The following SLCO1B3 variants were observed in gnomAD, a reference collection of about 807,000 sequenced individuals.
SLCO1B3 encodes liver-specific organic anion transporter 2.
Under a neutral mutation model 71.8 loss-of-function variants are expected in SLCO1B3, and 72 were observed. The ratio of observed to expected loss-of-function variants is 1.00; its 90% CI spans 0.83 to 1.22. The LOEUF is 1.22. Among genes scored for constraint, SLCO1B3 ranks in the 50% most tolerant of loss-of-function variants. SLCO1B3 has a pLI of 0.00. For missense variants in SLCO1B3, 911 were observed against 819.7 expected (o/e 1.11, Z -1.36); for synonymous variants, 298 against 278.4 (o/e 1.07, Z -0.70).
At chr12:20,909,165 C>CTTTTTTTTTT (rs1006708034) in intron 15 of SLCO1B3, among the ~76,000 whole-genome samples, 1 of 123,864 alleles carries the variant, frequency 8.1e-6, no homozygotes, top group Non-Finnish European at 1.7e-5. Context: ...GCATCTTTTT[C>CTTTTTTTTTT]TTTTTTTTTT....
chr12:20,903,424 G>A (rs1040783377), intron 15 of SLCO1B3, among the ~76,000 whole-genome samples: 8 of 152,152 alleles, frequency 5.3e-5, no homozygotes, highest in Non-Finnish European at 7.3e-5. Context: ...GCTATGAAGA[G>A]CTACCTGAGA....
chr12:20,829,192 G>T (rs571802003), intron 3 of SLCO1B3, among the ~76,000 whole-genome samples: 1 of 152,198 alleles, frequency 6.6e-6, no homozygotes, highest in Non-Finnish European at 1.5e-5. Context: ...TTATAGGATC[G>T]CTGAGTGATC....
At chr12:20,899,260 A>G (rs994755068) in intron 14 of SLCO1B3, among the ~76,000 whole-genome samples, 1 of 152,186 alleles carries the variant, frequency 6.6e-6, no homozygotes, top group African/African-American at 2.4e-5. Context: ...TGTCTAGTCT[A>G]ACCTCTGTGA....
chr12:20,907,928 G>A (rs577929485), intron 15 of SLCO1B3, among the ~76,000 whole-genome samples: 3 of 151,860 alleles, frequency 2.0e-5, no homozygotes, highest in African/African-American at 7.2e-5. Flanking sequence ...AGGACAACTG[G>A]CAAGATGCTC....
chr12:20,881,848 C>T (rs929343005), intron 12 of SLCO1B3, among the ~76,000 whole-genome samples: 2 of 152,188 alleles, frequency 1.3e-5, no homozygotes, highest in African/African-American at 4.8e-5. Flanking sequence ...ATATAGTCAG[C>T]TGCGATTATG....
intron 11 of SLCO1B3, among the ~76,000 whole-genome samples, chr12:20,880,243 T>C (rs983973201): frequency 2.6e-5 from 4 of 151,362 alleles, no homozygotes; most frequent in Admixed American, 1.3e-4. Flanking sequence ...TAAACAGTAT[T>C]ATAGTTTTAT....
chr12:20,889,587 T>C (rs778515273), intron 13 of SLCO1B3, among the ~76,000 whole-genome samples: 1 of 152,126 alleles, frequency 6.6e-6, no homozygotes, highest in Non-Finnish European at 1.5e-5. Flanking sequence ...TTGAATCTTC[T>C]TTCTTTTTGG....
intron 15 of SLCO1B3, among the ~76,000 whole-genome samples, chr12:20,910,767 G>C (rs1461636198): frequency 6.6e-6 from 1 of 152,006 alleles, no homozygotes; most frequent in Non-Finnish European, 1.5e-5. Context: ...GTTCATTGCT[G>C]ATTTATAGGA....
At chr12:20,839,199 A>T (rs1864743170) in intron 3 of SLCO1B3, among the ~76,000 whole-genome samples, 1 of 151,624 alleles carries the variant, frequency 6.6e-6, no homozygotes, top group African/African-American at 2.4e-5. Flanking sequence ...GTTATTTCTT[A>T]GATCAATTAA....
At position 20,845,941 on chromosome 12, in the gene SLCO1B3, A is replaced by AT. The variant is rs1230591834; in HGVS notation, c.85-9084dup. 5.4e-5 allele frequency among the ~76,000 whole-genome samples: 8 copies of AT among 148,746 alleles called. No individual in the cohort carries two copies. The Admixed American group carries it at 5.4e-4, about 10-fold the overall frequency. ...AATTTAATCTCTTTTTGTTGGATTG[A>AT]TTTCTTCTATCATTATATAATCATC... On this transcript the variant is annotated intron_variant, in intron 3 of 15. Coordinates refer to ENST00000381545, the MANE Select transcript of SLCO1B3 (RefSeq NM_019844.4).
chr12:20,841,703 C>A (rs550852375), intron 3 of SLCO1B3, among the ~76,000 whole-genome samples: 82 of 152,140 alleles, frequency 5.4e-4, no homozygotes, highest in African/African-American at 1.8e-3. Flanking sequence ...CCAACAGGTA[C>A]TTTTTTAGAT....
chr12:20,897,482 T>C (rs1865158), intron 13 of SLCO1B3, among the ~76,000 whole-genome samples: 107,122 of 151,964 alleles, frequency 0.7, 39,982 homozygotes, highest in South Asian at 0.89. Flanking sequence ...AAACTGAGGC[T>C]AAGAGAGATT....
intron 3 of SLCO1B3, among the ~76,000 whole-genome samples, chr12:20,840,005 T>G (rs1444522570): frequency 6.6e-6 from 1 of 152,198 alleles, no homozygotes; most frequent in African/African-American, 2.4e-5. Context: ...CATTTGTTTT[T>G]GGTTCTTTCT....
Position 20,841,221 on chromosome 12 carries a change from C to T in SLCO1B3, c.85-13807C>T, listed in dbSNP as rs147885935. Among the ~76,000 whole-genome samples the T allele has an allele frequency of 8.6e-4, 131 of 152,234 alleles. 2 individuals carry two copies. In the East Asian group the frequency reaches 0.022, roughly 25 times the overall value. ...ACAGTGGTTTGCCACATGTCCTCATCTCTTTTATGGATCCAAGAATCATTG... is the reference window on the plus strand; with the variant it reads ...ACAGTGGTTTGCCACATGTCCTCATTTCTTTTATGGATCCAAGAATCATTG... On this transcript the variant is annotated intron_variant, in intron 3 of 15. Transcript: ENST00000381545.
In SLCO1B3 at chr12:20,875,418, A is replaced by T. The variant is rs780708027; in HGVS notation, c.911A>T (p.Asp304Val). ...LSLHVLKTND[D>V]RNQTANLTNQ... The stretch of plus-strand genomic sequence containing the variant: ...TTGCATGTGCTGAAAACAAATGATG[A>T]TAGAAATCAAACAGCTAATTTGACC... The change falls in exon 9 of 16, where the codon GAT becomes GTT. Residue 304 changes from aspartate (D) to valine (V), a missense_variant. Physicochemically the swap from Asp to Val is radical, Grantham distance 152. Transcript: ENST00000381545. 54 of 1,607,910 alleles carry T rather than the reference A, an allele frequency of 3.4e-5. No homozygotes were observed. Among genetic ancestry groups the T allele is most frequent in the Non-Finnish European group, 4.4e-5 (52 of 1,178,394 alleles).
intron 8 of SLCO1B3, among the ~76,000 whole-genome samples, chr12:20,873,991 T>G (rs2121288958): frequency 6.6e-6 from 1 of 152,332 alleles, no homozygotes; most frequent in South Asian, 2.1e-4. Context: ...CACATTTGCC[T>G]TATACAGTCT....
At chr12:20,828,586 AC>A (rs924099316) in intron 3 of SLCO1B3, among the ~76,000 whole-genome samples, 3 of 152,006 alleles carry the variant, frequency 2.0e-5, no homozygotes, top group African/African-American at 7.2e-5. Context: ...AGAAAAAAGA[AC>A]TTTTTCTCAA....
In SLCO1B3 at chr12:20,912,821, C is replaced by CT. The variant is rs60164490; in HGVS notation, c.1866-3167dup. Among the ~76,000 whole-genome samples, 924 of 124,770 alleles carry CT rather than the reference C, an allele frequency of 7.4e-3. 11 individuals carry two copies. The highest frequency in any genetic ancestry group is 0.011 in the Non-Finnish European group (629 of 59,106). The allele number at this position is 124,770 out of a possible 152,430, so 81.9% of individuals were successfully genotyped here. The stretch of plus-strand genomic sequence containing the variant: ...ACAGGTGTGAGCCACTGCGCCCAGC[C>CT]TTTTTTTTTTTTTTTTGTATTTTTG... On this transcript the variant is annotated intron_variant, in intron 15 of 15. Coordinates refer to ENST00000381545, the MANE Select transcript of SLCO1B3 (RefSeq NM_019844.4).
At chr12:20,820,096 T>A (rs1472307783) in intron 3 of SLCO1B3, among the ~76,000 whole-genome samples, 7 of 151,898 alleles carry the variant, frequency 4.6e-5, no homozygotes, top group Non-Finnish European at 1.0e-4. Flanking sequence ...TGGCTGTCAA[T>A]ACCCACAACA....
Sources: allele counts gnomAD v4.1 joint callset (sites outside exome capture counted in the v4.1 genomes callset), GRCh38; gene constraint gnomAD v4.1.1; transcripts MANE v1.5; gene names NCBI Gene and HGNC (gene_info 2026-07-23, HGNC 2026-07-21).